Variants in SPG11 observed in about 807,000 individuals in gnomAD.
SPG11 encodes spatacsin.
SPG11 carries 222 observed loss-of-function variants against 274.0 expected under a neutral mutation model. That is an observed-to-expected ratio of 0.81 (90% CI 0.73 to 0.91). SPG11 has a LOEUF of 0.91. Ranked by LOEUF, SPG11 falls within the 40% of genes least tolerant of loss-of-function variation. The probability of loss-of-function intolerance (pLI) is 0.00; values close to 1 mark genes in which losing one functional copy is unlikely to be tolerated. For synonymous variants in SPG11, 1,144 were observed against 1,039.7 expected (o/e 1.10, Z -1.93); for missense variants, 3,114 against 2,872.7 (o/e 1.08, Z -1.92).
chr15:44,598,198 A>C, intron 23 of SPG11, 67 bp downstream of exon 23: 1 of 1,201,114 alleles, frequency 8.3e-7, no homozygotes. Flanking sequence ...TTCAAAGAAA[A>C]ACTAGGCAAA....
At chr15:44,593,578 T>C (rs2082956070) in intron 26 of SPG11, among the ~76,000 whole-genome samples, 1 of 152,170 alleles carries the variant, frequency 6.6e-6, no homozygotes, top group Admixed American at 6.6e-5. Flanking sequence ...ATACATTTTA[T>C]TGTTGTCAGT....
At chr15:44,627,921 A>T (rs1219144772) in intron 10 of SPG11, among the ~76,000 whole-genome samples, 3 of 152,162 alleles carry the variant, frequency 2.0e-5, no homozygotes, top group Admixed American at 2.0e-4. Flanking sequence ...CAGAATGAAT[A>T]AGAGATACAG....
chr15:44,651,033 C>A (rs2084758630), intron 6 of SPG11, among the ~76,000 whole-genome samples: 1 of 152,212 alleles, frequency 6.6e-6, no homozygotes, highest in South Asian at 2.1e-4. Context: ...CAGGCGTGAG[C>A]CACCGCACCC....
intron 7 of SPG11, among the ~76,000 whole-genome samples, chr15:44,642,364 C>CAAAAAA (rs36011354): frequency 4.5e-5 from 2 of 44,536 alleles, no homozygotes; most frequent in Admixed American, 2.9e-4. Context: ...GACTCCATCT[C>CAAAAAA]AAAAAAAAAA....
chr15:44,595,342 C>T lies in SPG11; in HGVS notation c.4552G>A (p.Glu1518Lys). The T allele has an allele frequency of 1.2e-6, 2 of 1,614,200 alleles. No homozygotes were observed. Among genetic ancestry groups the T allele is most frequent in the Non-Finnish European group, 1.7e-6 (2 of 1,180,038 alleles). ...DSTEDHTWNL[E>K]DLSVIWRTLL... The stretch of plus-strand genomic sequence containing the variant: ...GTTCTCCAGATGACTGAAAGATCCT[C>T]AAGGTTCCAGGTATGGTCCTCTGTT... Residue 1518 changes from glutamate to lysine, a missense_variant, in exon 26 of 40, where the codon GAG becomes AAG. Glu to Lys is a moderately conservative substitution (Grantham distance 56). Transcript: ENST00000261866.
At position 44,622,242 on chromosome 15, in the gene SPG11, T is replaced by A. The variant is rs2083774035; in HGVS notation, c.2422A>T (p.Met808Leu). The A allele has an allele frequency of 1.2e-6, 2 of 1,612,548 alleles. No individual in the cohort carries two copies. The highest frequency in any genetic ancestry group is 2.7e-5 in the African/African-American group (2 of 74,898). Reference sequence around the variant, plus strand: ...TACCTGGGAAATGACTGGATTTGCATATTTTCTTGGAAATGTCCCAAATAA... The same window carrying A: ...TACCTGGGAAATGACTGGATTTGCAAATTTTCTTGGAAATGTCCCAAATAA... The part of the protein sequence containing the change: ...KLYLGHFQEN[M>L]QIQSFPRYWI... The change falls in exon 13 of 40, where the codon ATG becomes TTG. Residue 808 changes from methionine (M) to leucine (L), a missense_variant. By Grantham distance (15) the Met-to-Leu change is conservative (BLOSUM62 2). Transcript: ENST00000261866.
At chr15:44,563,445 T>G (rs766721065) in intron 39 of SPG11, 144 bp from the exon 40 acceptor site, 31 of 700,682 alleles carry the variant, frequency 4.4e-5, no homozygotes, top group Non-Finnish European at 7.4e-5. Context: ...TTCAAGTGAT[T>G]CTTGTGCCTC....
In SPG11 at chr15:44,584,271, C is replaced by A. The variant is rs1237369030; in HGVS notation, c.5409G>T (p.Leu1803=). 1 of 1,613,758 alleles carries A rather than the reference C, an allele frequency of 6.2e-7. No individual in the cohort carries two copies. Among genetic ancestry groups the A allele is most frequent in the South Asian group, 1.1e-5 (1 of 91,076 alleles). ...KLEELEKQIW[L]CRITQHTLGR... Reference sequence around the variant, plus strand: ...CAAGAGTGTGCTGGGTGATGCGGCACAGCCAGATCTGCTTCTCCAGCTCCT... The same window carrying A: ...CAAGAGTGTGCTGGGTGATGCGGCAAAGCCAGATCTGCTTCTCCAGCTCCT... Residue 1803 remains leucine, a synonymous_variant, in exon 30 of 40, where the codon CTG becomes CTT. Transcript: ENST00000261866.
chr15:44,581,765 G>A (rs2082663405), intron 30 of SPG11, among the ~76,000 whole-genome samples: 1 of 152,064 alleles, frequency 6.6e-6, no homozygotes, highest in Admixed American at 6.6e-5. Flanking sequence ...AGGATGTAAA[G>A]GGAGAAGAAT....
In SPG11 at chr15:44,567,222, G is replaced by A. The variant is rs1049111259; in HGVS notation, c.6754+202C>T. On this transcript the variant is annotated intron_variant, in intron 36 of 39. Coordinates refer to ENST00000261866, the MANE Select transcript of SPG11 (RefSeq NM_025137.4). ...AAAAATTAGCCGGGTGTGGTGGCAG[G>A]TGCTTGTAATCCCAGCTACTTGGGA... 3 of 520,754 alleles carry A rather than the reference G, an allele frequency of 5.8e-6. No individual in the cohort carries two copies. The East Asian group carries it at 1.1e-4, about 19-fold the overall frequency. The allele number at this position is 520,754 out of a possible 1,614,324, so 32.3% of individuals were successfully genotyped here.
At chr15:44,631,352 GA>G (rs201155646) in intron 8 of SPG11, among the ~76,000 whole-genome samples, 2 of 152,042 alleles carry the variant, frequency 1.3e-5, no homozygotes, top group South Asian at 2.1e-4. Context: ...ATAAAGTGGG[GA>G]AAAAACACAG....
chr15:44,625,823 G>A (rs993924559), intron 11 of SPG11, among the ~76,000 whole-genome samples: 3 of 152,062 alleles, frequency 2.0e-5, no homozygotes, highest in Admixed American at 6.6e-5. Flanking sequence ...GGGATTACAG[G>A]CGCCCGCCAC....
At chr15:44,649,133 T>C in intron 6 of SPG11, 122 bp from the exon 7 acceptor site, 1 of 768,040 alleles carries the variant, frequency 1.3e-6, no homozygotes, top group Non-Finnish European at 2.2e-6. Flanking sequence ...TTATATTTAC[T>C]GGATATCATG....
Position 44,585,743 on chromosome 15 carries a change from C to T in SPG11, c.5014G>A (p.Glu1672Lys). 6.2e-7 allele frequency: 1 copy of T among 1,613,664 alleles called. No individual in the cohort carries two copies. Among genetic ancestry groups the T allele is most frequent in the East Asian group, 2.2e-5 (1 of 44,878 alleles). ...AGTCTTTCCAAAATAGATCTACATT[C>T]ATGCTGAAGATTCTCAATGCTGTAG... ...TSYSIENLQH[E>K]CRSILERLQT... The change falls in exon 29 of 40, where the codon GAA becomes AAA. Residue 1672 changes from glutamate (E) to lysine (K), a missense_variant. By Grantham distance (56) the Glu-to-Lys change is moderately conservative. Coordinates refer to ENST00000261866, the MANE Select transcript of SPG11 (RefSeq NM_025137.4).
intron 20 of SPG11, among the ~76,000 whole-genome samples, chr15:44,602,133 T>A (rs531615890): frequency 6.6e-6 from 1 of 152,358 alleles, no homozygotes; most frequent in Non-Finnish European, 1.5e-5. Context: ...TCTTTAGGAT[T>A]TTCTATATAC....
intron 11 of SPG11, among the ~76,000 whole-genome samples, chr15:44,625,581 G>T (rs1291860678): frequency 1.3e-5 from 2 of 152,134 alleles, no homozygotes; most frequent in Non-Finnish European, 2.9e-5. Context: ...AGTTTCCTGA[G>T]GCCTCCCCAG....
chr15:44,662,153 T>C (rs1201773904), intron 1 of SPG11, among the ~76,000 whole-genome samples: 1 of 152,134 alleles, frequency 6.6e-6, no homozygotes, highest in African/African-American at 2.4e-5. Context: ...AATAACTTAG[T>C]TTATAATAAG....
intron 7 of SPG11, among the ~76,000 whole-genome samples, chr15:44,644,952 T>C (rs1163009063): frequency 6.6e-6 from 1 of 152,184 alleles, no homozygotes; most frequent in Non-Finnish European, 1.5e-5. Flanking sequence ...AAACATCCCA[T>C]GCTCATGGAG....
intron 35 of SPG11, 140 bp downstream of exon 35, chr15:44,569,258 G>C: frequency 1.4e-6 from 1 of 704,018 alleles, no homozygotes; most frequent in Non-Finnish European, 2.6e-6. Context: ...TGGTGACAGT[G>C]TATGTCTTGG....
Sources: gnomAD v4.1 joint callset for allele counts (sites outside exome capture counted in the v4.1 genomes callset) on GRCh38, gnomAD v4.1.1 for gene constraint, MANE v1.5 for transcripts, NCBI Gene and HGNC (gene_info 2026-07-23, HGNC 2026-07-21) for gene names.